Variants in ASNS observed in about 807,000 individuals in gnomAD.
ASNS encodes asparagine synthetase [glutamine-hydrolyzing].
In ASNS, 37 loss-of-function variants were observed where a neutral mutation model predicts 62.6. The observed-to-expected ratio is 0.59, with a 90% CI of 0.45 to 0.78. The LOEUF (loss-of-function observed/expected upper bound fraction) is 0.78, where lower values mean the gene tolerates loss of function less well. ASNS is among the 30% of genes least tolerant of loss of function. The probability of loss-of-function intolerance (pLI) is 0.00; values close to 1 mark genes in which losing one functional copy is unlikely to be tolerated. For missense variants in ASNS, 520 were observed against 682.4 expected (o/e 0.76, Z 2.65); for synonymous variants, 207 against 237.9 (o/e 0.87, Z 1.19).
chr7:97,908,054 G>T, the ASNS span, among the ~76,000 whole-genome samples: 1 of 152,160 alleles, frequency 6.6e-6, no homozygotes, highest in Non-Finnish European at 1.5e-5. Flanking sequence ...TTGCAGAACA[G>T]AAAGAGAAGG....
the ASNS span, among the ~76,000 whole-genome samples, chr7:97,908,608 G>C: frequency 1.3e-3 from 203 of 152,150 alleles, 7 homozygotes; most frequent in Middle Eastern, 0.037. Context: ...CATCTTGTTG[G>C]CCAGGCTGGT....
At chr7:97,878,811 A>G in the ASNS span, among the ~76,000 whole-genome samples, 1 of 152,170 alleles carries the variant, frequency 6.6e-6, no homozygotes, top group African/African-American at 2.4e-5. Context: ...GTTCATATGG[A>G]ACCAAAAAAG....
At chr7:97,861,084 C>T (rs1373779623) in intron 4 of ASNS, among the ~76,000 whole-genome samples, 30 of 140,300 alleles carry the variant, frequency 2.1e-4, no homozygotes, top group African/African-American at 4.7e-4. Flanking sequence ...TGCAGTTGCG[C>T]GATCTCGGCT....
the ASNS span, among the ~76,000 whole-genome samples, chr7:97,924,676 C>G: frequency 6.6e-6 from 1 of 152,158 alleles, no homozygotes; most frequent in African/African-American, 2.4e-5. Flanking sequence ...GGGGAACAGG[C>G]AAGTCTTGTG....
the ASNS span, among the ~76,000 whole-genome samples, chr7:97,902,613 G>A: frequency 1.1e-3 from 172 of 152,168 alleles, no homozygotes; most frequent in African/African-American, 3.8e-3. Context: ...CCAGCTACTC[G>A]GGAGGGCTGA....
the ASNS span, chr7:97,928,236 C>T: frequency 1.3e-6 from 2 of 1,528,484 alleles, no homozygotes; most frequent in Non-Finnish European, 1.7e-6. Context: ...CTCCTCCCTC[C>T]TGGGCCGGCC....
the ASNS span, among the ~76,000 whole-genome samples, chr7:97,897,831 T>C: frequency 2.6e-5 from 4 of 152,264 alleles, no homozygotes; most frequent in Middle Eastern, 3.4e-3. Flanking sequence ...CTATTTACAA[T>C]AGCCAAGATA....
chr7:97,915,788 G>A, the ASNS span, among the ~76,000 whole-genome samples: 1 of 152,266 alleles, frequency 6.6e-6, no homozygotes, highest in South Asian at 2.1e-4. Context: ...GAGCCTGAAA[G>A]AGGCCAGAGA....
At chr7:97,909,465 T>C in the ASNS span, among the ~76,000 whole-genome samples, 1 of 150,772 alleles carries the variant, frequency 6.6e-6, no homozygotes, top group Admixed American at 6.7e-5. Flanking sequence ...TGCACCATCA[T>C]GCCTGGCTAA....
At chr7:97,857,683 T>A (rs529738873) in intron 7 of ASNS, among the ~76,000 whole-genome samples, 185 of 151,078 alleles carry the variant, frequency 1.2e-3, no homozygotes, top group Non-Finnish European at 2.4e-3. Flanking sequence ...GGGGTCTTGC[T>A]ACGTTGCCCA....
At chr7:97,898,450 T>C in the ASNS span, 7 of 527,484 alleles carry the variant, frequency 1.3e-5, 1 homozygote, top group Admixed American at 2.6e-5. Flanking sequence ...CGAAGCTCCA[T>C]GCCTTTCAAA....
the ASNS span, among the ~76,000 whole-genome samples, chr7:97,905,552 T>G: frequency 2.0e-5 from 3 of 152,184 alleles, no homozygotes; most frequent in Non-Finnish European, 4.4e-5. Flanking sequence ...CTTCCATATC[T>G]CAAAGCCCCC....
the ASNS span, among the ~76,000 whole-genome samples, chr7:97,882,287 G>A: frequency 2.0e-5 from 3 of 152,280 alleles, no homozygotes; most frequent in South Asian, 2.1e-4. Flanking sequence ...AGTGGCTCAC[G>A]CCTGTAATCC....
the ASNS span, among the ~76,000 whole-genome samples, chr7:97,912,815 C>T: frequency 2.3e-4 from 35 of 151,680 alleles, no homozygotes; most frequent in East Asian, 3.9e-3. Flanking sequence ...CTCCTGGCCT[C>T]AAGTGATCCA....
intron 3 of ASNS, among the ~76,000 whole-genome samples, chr7:97,866,754 T>C (rs1791992462): frequency 6.6e-6 from 1 of 152,226 alleles, no homozygotes; most frequent in Admixed American, 6.5e-5. Flanking sequence ...TGTGAATCTT[T>C]TGTCTATAAG....
chr7:97,854,090 G>C (rs1791313476), intron 10 of ASNS, among the ~76,000 whole-genome samples: 1 of 152,152 alleles, frequency 6.6e-6, no homozygotes, highest in African/African-American at 2.4e-5. Flanking sequence ...AAAGAAACCT[G>C]GTTCTTTATA....
the ASNS span, among the ~76,000 whole-genome samples, chr7:97,920,737 A>T: frequency 3.9e-5 from 6 of 152,278 alleles, no homozygotes; most frequent in Non-Finnish European, 5.9e-5. Context: ...GAACAAAAAA[A>T]GGAAATTAAA....
At chr7:97,896,603 A>G in the ASNS span, among the ~76,000 whole-genome samples, 3 of 1,464 alleles carry the variant, frequency 2.0e-3, no homozygotes, top group Admixed American at 0.035. Flanking sequence ...TCTCAAAAAG[A>G]AAAAAAAAAA....
the ASNS span, among the ~76,000 whole-genome samples, chr7:97,891,258 T>C: frequency 6.6e-6 from 1 of 152,214 alleles, no homozygotes; most frequent in African/African-American, 2.4e-5. Flanking sequence ...ACGTATTCAC[T>C]ATCATGAGAA....
Sources: gnomAD v4.1 joint callset for allele counts (sites outside exome capture counted in the v4.1 genomes callset) on GRCh38, gnomAD v4.1.1 for gene constraint, MANE v1.5 for transcripts, NCBI Gene and HGNC (gene_info 2026-07-23, HGNC 2026-07-21) for gene names.